Variants in GRIK3 observed in about 807,000 individuals in gnomAD.
The protein encoded by GRIK3 is glutamate ionotropic receptor kainate type subunit 3, also known as glutamate receptor ionotropic, kainate 3.
GRIK3 carries 29 observed loss-of-function variants against 102.5 expected under a neutral mutation model. The ratio of observed to expected loss-of-function variants is 0.28; its 90% CI spans 0.21 to 0.39. The LOEUF (loss-of-function observed/expected upper bound fraction) is 0.39. Among genes scored for constraint, GRIK3 ranks in the 10% least tolerant of loss-of-function variants. The probability of loss-of-function intolerance (pLI) is 1.00; values close to 1 mark genes in which losing one functional copy is unlikely to be tolerated. For synonymous variants in GRIK3, 511 were observed against 504.9 expected, an observed-to-expected ratio of 1.01 and a Z score of -0.16; for missense variants, 908 against 1,252.4, an observed-to-expected ratio of 0.73 and a Z score of 4.15.
At chr1:36,957,283 T>TGTGTGCCCCATGAGC (rs1553122889) in intron 1 of GRIK3, among the ~76,000 whole-genome samples, 2 of 150,092 alleles carry the variant, frequency 1.3e-5, no homozygotes, top group African/African-American at 4.9e-5. Context: ...GTTCTGTGAG[T>TGTGTGCCCCATGAGC]CTGTGTGCCC....
Position 36,801,992 on chromosome 1 carries a change from C to G in GRIK3, c.2619G>C (p.Gln873His), listed in dbSNP as rs750977364. The G allele has an allele frequency of 1.2e-6, 2 of 1,613,812 alleles. No individual in the cohort carries two copies. The highest frequency in any genetic ancestry group is 2.7e-5 in the African/African-American group (2 of 74,932). ...GCTGAGGCTTGTGCTTGACTCGACG[C>G]TGGCAGGTAAGGGAGAAACGGATCT... is the stretch of plus-strand genomic sequence containing the variant. ...ADEIRFSLTC[Q>H]RRVKHKPQPP... The change falls in exon 16 of 16, where the codon CAG (glutamine) becomes CAC (histidine). Residue 873 changes from glutamine (Q) to histidine (H), a missense_variant. By Grantham distance (24) the Gln-to-His change is conservative (BLOSUM62 0). Around this residue, in one of 3 missense-constraint regions of GRIK3, gnomAD observed 297 missense variants for 362.7 expected, o/e 0.82. Transcript: ENST00000373091.
chr1:36,987,719 T>C (rs550945723), intron 1 of GRIK3, among the ~76,000 whole-genome samples: 79 of 151,874 alleles, frequency 5.2e-4, no homozygotes, highest in African/African-American at 1.8e-3. Context: ...GGTGCATGGG[T>C]ATATGGGTAC....
intron 1 of GRIK3, among the ~76,000 whole-genome samples, chr1:37,030,353 C>T (rs1384931816): frequency 6.6e-6 from 1 of 152,156 alleles, no homozygotes; most frequent in African/African-American, 2.4e-5. Flanking sequence ...GTGAACCAGT[C>T]ATAGGAGTTA....
At chr1:37,030,726 C>T (rs1642818382) in intron 1 of GRIK3, among the ~76,000 whole-genome samples, 1 of 152,092 alleles carries the variant, frequency 6.6e-6, no homozygotes, top group African/African-American at 2.4e-5. Flanking sequence ...GGCTGGCCCT[C>T]AATCCTACAT....
At chr1:37,012,003 C>G (rs971573918) in intron 1 of GRIK3, among the ~76,000 whole-genome samples, 2 of 152,176 alleles carry the variant, frequency 1.3e-5, no homozygotes. Flanking sequence ...TAATCTCTGT[C>G]TATGGCCCCA....
At chr1:36,842,839 G>C (rs111422631) in intron 9 of GRIK3, among the ~76,000 whole-genome samples, 13 of 152,272 alleles carry the variant, frequency 8.5e-5, no homozygotes, top group African/African-American at 2.9e-4. Flanking sequence ...ACCCCTAGCC[G>C]GCATGAGAGA....
At chr1:36,805,422 T>C (rs1642488551) in intron 14 of GRIK3, among the ~76,000 whole-genome samples, 185 bp from the exon 15 acceptor site, 1 of 152,214 alleles carries the variant, frequency 6.6e-6, no homozygotes, top group Non-Finnish European at 1.5e-5. Context: ...AATGTCCTGT[T>C]TGAGCAGGGA....
intron 2 of GRIK3, among the ~76,000 whole-genome samples, chr1:36,883,501 C>T (rs1312374701): frequency 6.6e-6 from 1 of 152,210 alleles, no homozygotes; most frequent in Non-Finnish European, 1.5e-5. Flanking sequence ...GCACCTCCTG[C>T]AAGTATGGCT....
At chr1:36,826,157 A>G (rs1642752979) in intron 10 of GRIK3, among the ~76,000 whole-genome samples, 1 of 152,224 alleles carries the variant, frequency 6.6e-6, no homozygotes, top group Non-Finnish European at 1.5e-5. Flanking sequence ...TCAAATAAAT[A>G]CAGTTCAGTA....
chr1:36,857,935 G>A (rs1196398036), intron 7 of GRIK3, among the ~76,000 whole-genome samples: 2 of 152,244 alleles, frequency 1.3e-5, no homozygotes, highest in Non-Finnish European at 2.9e-5. Flanking sequence ...GGCCCCCAGG[G>A]CATAGCTAGG....
chr1:36,845,021 C>T (rs895016974), intron 9 of GRIK3, among the ~76,000 whole-genome samples: 10 of 152,180 alleles, frequency 6.6e-5, no homozygotes, highest in Non-Finnish European at 1.5e-4. Flanking sequence ...AAATACGCTG[C>T]CTTCAGAGCA....
intron 1 of GRIK3, among the ~76,000 whole-genome samples, chr1:36,967,770 A>C (rs532659092): frequency 6.6e-6 from 1 of 152,350 alleles, no homozygotes; most frequent in South Asian, 2.1e-4. Flanking sequence ...AGGTTACTTA[A>C]ACTCTCTAAG....
chr1:36,836,461 A>G (rs947233313), intron 10 of GRIK3, among the ~76,000 whole-genome samples: 1 of 152,252 alleles, frequency 6.6e-6, no homozygotes, highest in Non-Finnish European at 1.5e-5. Context: ...TAGCCCATCA[A>G]GTGCTCCCCG....
chr1:36,897,211 T>G (rs532338017), intron 1 of GRIK3, among the ~76,000 whole-genome samples: 2 of 152,304 alleles, frequency 1.3e-5, no homozygotes, highest in South Asian at 4.1e-4. Context: ...TAAAAGTGTC[T>G]GTCTGCAGAT....
chr1:36,934,447 T>G (rs1641631701), intron 1 of GRIK3, among the ~76,000 whole-genome samples: 1 of 152,208 alleles, frequency 6.6e-6, no homozygotes, highest in Non-Finnish European at 1.5e-5. Flanking sequence ...AACAAAGAAC[T>G]CTTCACCAGC....
intron 1 of GRIK3, among the ~76,000 whole-genome samples, chr1:36,967,553 T>C (rs1178296198): frequency 6.6e-6 from 1 of 152,014 alleles, no homozygotes; most frequent in African/African-American, 2.4e-5. Flanking sequence ...AGGAGGTAGG[T>C]GACAGGTAGG....
rs1415764737 is a variant in GRIK3 at position 37,034,194 on chromosome 1, C to A, written c.-86G>T. 3 of 351,134 alleles carry A rather than the reference C, an allele frequency of 8.5e-6. No homozygotes were observed. Among genetic ancestry groups the A allele is most frequent in the South Asian group, 2.5e-4 (2 of 8,078 alleles). 21.8% of individuals were successfully genotyped at this position (351,134 alleles called of 1,614,324 possible). On this transcript the variant is annotated 5_prime_UTR_variant, in exon 1 of 16. Transcript: ENST00000373091. ...TCTAGGCGCGGGCGCGCAGCAGCCC[C>A]GAAGGCGCCGCCTGGCCCAGCCGCC... is the stretch of plus-strand genomic sequence containing the variant.
intron 1 of GRIK3, among the ~76,000 whole-genome samples, chr1:36,966,090 C>T (rs936625943): frequency 2.6e-5 from 4 of 152,236 alleles, no homozygotes; most frequent in African/African-American, 4.8e-5. Flanking sequence ...GCCCCATGGT[C>T]CCAAGAGACA....
At chr1:37,031,255 G>T (rs557577819) in intron 1 of GRIK3, among the ~76,000 whole-genome samples, 7 of 152,172 alleles carry the variant, frequency 4.6e-5, no homozygotes, top group African/African-American at 1.7e-4. Context: ...TTTTCTCGCA[G>T]ACTACAATCC....
Sources: allele counts gnomAD v4.1 joint callset (sites outside exome capture counted in the v4.1 genomes callset), GRCh38; gene constraint gnomAD v4.1.1; regional missense constraint gnomAD v4.1.1; transcripts MANE v1.5; gene names NCBI Gene and HGNC (gene_info 2026-07-23, HGNC 2026-07-21).